Variants in MYO18B observed in about 807,000 individuals in gnomAD.
MYO18B encodes the protein myosin XVIIIB.
A neutral mutation model predicts 273.0 loss-of-function variants in MYO18B; 204 were observed. The observed-to-expected ratio is 0.75, with a 90% CI of 0.67 to 0.84. The LOEUF (loss-of-function observed/expected upper bound fraction) is 0.84. MYO18B is among the 40% of genes least tolerant of loss of function. The pLI, the probability that MYO18B is intolerant of heterozygous loss-of-function variation, is 0.00. For synonymous variants in MYO18B, 1,330 were observed against 1,305.7 expected, an observed-to-expected ratio of 1.02 and a Z score of -0.40; for missense variants, 3,212 against 3,287.6, an observed-to-expected ratio of 0.98 and a Z score of 0.56.
At chr22:25,957,375 C>A (rs1328348464) in intron 39 of MYO18B, among the ~76,000 whole-genome samples, 1 of 152,198 alleles carries the variant, frequency 6.6e-6, no homozygotes, top group Non-Finnish European at 1.5e-5. Flanking sequence ...AGCATAGTTC[C>A]CACATATGAA....
At chr22:25,810,559 G>C (rs1450152210) in intron 12 of MYO18B, among the ~76,000 whole-genome samples, 1 of 150,610 alleles carries the variant, frequency 6.6e-6, no homozygotes, top group East Asian at 2.0e-4. Flanking sequence ...TCAGCCTCCT[G>C]AGTAGCTGGG....
chr22:26,037,344 G>A, the MYO18B span, among the ~76,000 whole-genome samples: 1 of 152,174 alleles, frequency 6.6e-6, no homozygotes, highest in Non-Finnish European at 1.5e-5. Flanking sequence ...GGAGCATCAG[G>A]ACAAGGATTA....
chr22:25,794,364 G>A (rs2087813024), intron 11 of MYO18B, among the ~76,000 whole-genome samples: 1 of 151,396 alleles, frequency 6.6e-6, no homozygotes, highest in South Asian at 2.1e-4. Context: ...ATGCCACCAT[G>A]CCTGGCAGAT....
chr22:25,792,212 C>T (rs976206562), intron 11 of MYO18B, among the ~76,000 whole-genome samples: 2 of 152,182 alleles, frequency 1.3e-5, no homozygotes, highest in African/African-American at 4.8e-5. Flanking sequence ...GTAACTTCAC[C>T]TCTCTGAGTC....
chr22:25,819,000 G>A (rs1232082274), intron 12 of MYO18B, among the ~76,000 whole-genome samples: 1 of 152,084 alleles, frequency 6.6e-6, no homozygotes, highest in Non-Finnish European at 1.5e-5. Flanking sequence ...CCATGTTATT[G>A]CCCAGTTCCT....
intron 14 of MYO18B, among the ~76,000 whole-genome samples, chr22:25,827,905 C>T (rs1467931617): frequency 6.6e-6 from 1 of 152,196 alleles, no homozygotes; most frequent in African/African-American, 2.4e-5. Flanking sequence ...TAGTAGGTGT[C>T]TGTCTTGCCA....
At chr22:25,964,532 G>T (rs1197011288) in intron 39 of MYO18B, among the ~76,000 whole-genome samples, 1 of 152,116 alleles carries the variant, frequency 6.6e-6, no homozygotes, top group Non-Finnish European at 1.5e-5. Context: ...CTCAACCTTG[G>T]CATTATTGAC....
At chr22:25,848,770 C>T (rs1254519024) in intron 20 of MYO18B, among the ~76,000 whole-genome samples, 1 of 152,218 alleles carries the variant, frequency 6.6e-6, no homozygotes, top group Non-Finnish European at 1.5e-5. Flanking sequence ...CCCTCTCTGA[C>T]AGTTAGAAAT....
downstream of MYO18B, among the ~76,000 whole-genome samples, chr22:26,035,177 A>G (rs1936755439): frequency 6.6e-6 from 1 of 152,170 alleles, no homozygotes; most frequent in Non-Finnish European, 1.5e-5. Context: ...GAAAATCTTT[A>G]TTATGGAAAT....
chr22:25,763,187 G>T (rs2086386599), intron 2 of MYO18B, 44 bp from the exon 3 acceptor site: 2 of 1,610,180 alleles, frequency 1.2e-6, no homozygotes, highest in Non-Finnish European at 1.7e-6. Flanking sequence ...TGCTCCTGCT[G>T]GTTGACTCAC....
At chr22:25,924,257 ATAGG>A (rs1217454533) in intron 34 of MYO18B, among the ~76,000 whole-genome samples, 1 of 152,334 alleles carries the variant, frequency 6.6e-6, no homozygotes, top group East Asian at 1.9e-4. Context: ...CTCCAGGGAC[ATAGG>A]TAGGGAAAGC....
downstream of MYO18B, among the ~76,000 whole-genome samples, chr22:26,033,234 A>G (rs1936705407): frequency 6.6e-6 from 1 of 152,064 alleles, no homozygotes; most frequent in Non-Finnish European, 1.5e-5. Context: ...TTCAGTCCGT[A>G]TTTTCTGAGT....
At chr22:25,791,157 C>A (rs1892592990) in intron 11 of MYO18B, among the ~76,000 whole-genome samples, 1 of 14,160 alleles carries the variant, frequency 7.1e-5, no homozygotes, top group African/African-American at 1.1e-4. Flanking sequence ...TCATTCCAAG[C>A]TGGAGAGATA....
chr22:25,904,126 G>C (rs2091992390), intron 31 of MYO18B, among the ~76,000 whole-genome samples: 1 of 152,064 alleles, frequency 6.6e-6, no homozygotes. Context: ...TTTACTCTCT[G>C]GTACCTGCCA....
At chr22:25,829,272 C>G (rs1397831779) in intron 15 of MYO18B, among the ~76,000 whole-genome samples, 2 of 152,198 alleles carry the variant, frequency 1.3e-5, no homozygotes, top group Non-Finnish European at 2.9e-5. Context: ...TCCCACTTCA[C>G]TTAAGCAGAA....
intron 34 of MYO18B, among the ~76,000 whole-genome samples, chr22:25,942,667 C>T (rs1241771013): frequency 6.6e-6 from 1 of 152,174 alleles, no homozygotes; most frequent in Non-Finnish European, 1.5e-5. Flanking sequence ...CTAATGGTGG[C>T]ACCTTTCTCC....
chr22:25,997,733 T>C (rs1431400664), intron 40 of MYO18B, among the ~76,000 whole-genome samples: 3 of 152,052 alleles, frequency 2.0e-5, no homozygotes, highest in Non-Finnish European at 4.4e-5. Context: ...AAATCCACCG[T>C]CCATAGCAGA....
At chr22:25,870,692 C>T (rs1438300146) in intron 22 of MYO18B, among the ~76,000 whole-genome samples, 1 of 152,148 alleles carries the variant, frequency 6.6e-6, no homozygotes, top group Admixed American at 6.5e-5. Flanking sequence ...GGCCCTGAAC[C>T]AGCAGCATCA....
chr22:25,919,331 G>A (rs555734966), intron 33 of MYO18B, among the ~76,000 whole-genome samples: 13 of 152,266 alleles, frequency 8.5e-5, no homozygotes, highest in African/African-American at 2.9e-4. Flanking sequence ...AGCCAGAAAA[G>A]CTGGATTCAT....
Sources: gnomAD v4.1 joint callset for allele counts (sites outside exome capture counted in the v4.1 genomes callset) on GRCh38, gnomAD v4.1.1 for gene constraint, MANE v1.5 for transcripts, NCBI Gene and HGNC (gene_info 2026-07-23, HGNC 2026-07-21) for gene names.